ERC2: variants seen among roughly 807,000 people sequenced by gnomAD.
The protein encoded by ERC2 is ELKS/RAB6-interacting/CAST family member 2, also known as ERC protein 2.
ERC2 carries 42 observed loss-of-function variants against 114.8 expected under a neutral mutation model. That is an observed-to-expected ratio of 0.37 (90% CI 0.29 to 0.47). ERC2 has a LOEUF of 0.47. Ranked by LOEUF, ERC2 falls within the 20% of genes least tolerant of loss-of-function variation. The probability of loss-of-function intolerance (pLI) is 0.99; values close to 1 mark genes in which losing one functional copy is unlikely to be tolerated. For missense variants in ERC2, 939 were observed against 1,150.7 expected (o/e 0.82, Z 2.66); for synonymous variants, 454 against 425.5 (o/e 1.07, Z -0.82).
intron 2 of ERC2, among the ~76,000 whole-genome samples, chr3:56,403,958 G>C (rs2060615942): frequency 6.6e-6 from 1 of 152,208 alleles, no homozygotes; most frequent in South Asian, 2.1e-4. Context: ...GTGTGCATTA[G>C]TTTTGTCTAC....
intron 3 of ERC2, among the ~76,000 whole-genome samples, chr3:56,228,105 G>C (rs2050372310): frequency 6.6e-6 from 1 of 152,134 alleles, no homozygotes; most frequent in Admixed American, 6.6e-5. Flanking sequence ...TGATGGGGAG[G>C]GGCATAGTGG....
intron 14 of ERC2, among the ~76,000 whole-genome samples, chr3:55,859,861 G>A (rs1466410463): frequency 6.6e-6 from 1 of 151,956 alleles, no homozygotes; most frequent in Admixed American, 6.6e-5. Context: ...AAACCAGGGG[G>A]ATGACACTGT....
At chr3:55,617,432 C>T (rs1193847295) in intron 17 of ERC2, among the ~76,000 whole-genome samples, 7 of 152,318 alleles carry the variant, frequency 4.6e-5, no homozygotes, top group African/African-American at 1.4e-4. Flanking sequence ...TTTCCTCCAG[C>T]GTTTTGGCAA....
chr3:55,577,959 G>C (rs1559683524), intron 17 of ERC2, among the ~76,000 whole-genome samples: 1 of 152,318 alleles, frequency 6.6e-6, no homozygotes, highest in East Asian at 1.9e-4. Context: ...GGGCACTGGA[G>C]AGGGAGAGAG....
chr3:56,076,186 T>G (rs957585829), intron 7 of ERC2, among the ~76,000 whole-genome samples: 1 of 152,164 alleles, frequency 6.6e-6, no homozygotes, highest in African/African-American at 2.4e-5. Context: ...TTTCTACCTT[T>G]AATAAATAAA....
chr3:56,173,721 C>A (rs1172655403), intron 3 of ERC2: 1 of 535,680 alleles, frequency 1.9e-6, no homozygotes, highest in Non-Finnish European at 3.3e-6. Context: ...CTGGCACATG[C>A]GCTATTTCTG....
intron 7 of ERC2, among the ~76,000 whole-genome samples, chr3:56,079,906 A>C (rs965737329): frequency 5.3e-5 from 8 of 152,150 alleles, no homozygotes; most frequent in African/African-American, 1.9e-4. Context: ...TGATGATAGC[A>C]GGTGACACCA....
intron 3 of ERC2, among the ~76,000 whole-genome samples, chr3:56,214,372 AAAC>A (rs2049305133): frequency 7.7e-6 from 1 of 129,648 alleles, no homozygotes; most frequent in Admixed American, 8.7e-5. Context: ...CTGATTCAAT[AAAC>A]TGGAAGAAAG....
At chr3:56,329,909 T>C (rs951356388) in intron 2 of ERC2, among the ~76,000 whole-genome samples, 6 of 151,370 alleles carry the variant, frequency 4.0e-5, no homozygotes, top group Admixed American at 1.3e-4. Context: ...ATTTCAAATA[T>C]TCATGTGTTT....
chr3:55,652,220 T>A (rs1351468163), intron 17 of ERC2, among the ~76,000 whole-genome samples: 3 of 152,244 alleles, frequency 2.0e-5, no homozygotes, highest in African/African-American at 7.2e-5. Context: ...TGTGTTTATT[T>A]ATCATCTACA....
At chr3:56,462,766 C>T (rs2063372025) in intron 1 of ERC2, among the ~76,000 whole-genome samples, 1 of 152,148 alleles carries the variant, frequency 6.6e-6, no homozygotes, top group Admixed American at 6.5e-5. Context: ...AGGTATGTAT[C>T]AGTGAGGAGT....
At chr3:55,877,083 A>G (rs2062883667) in intron 14 of ERC2, among the ~76,000 whole-genome samples, 1 of 152,218 alleles carries the variant, frequency 6.6e-6, no homozygotes, top group Admixed American at 6.5e-5. Flanking sequence ...AAACACCAGT[A>G]TAAAAAATGA....
intron 14 of ERC2, among the ~76,000 whole-genome samples, chr3:55,798,555 G>A (rs2070706800): frequency 2.7e-5 from 4 of 150,834 alleles, no homozygotes; most frequent in Admixed American, 6.6e-5. Context: ...CCAAGACCAT[G>A]CCACTGCACT....
chr3:56,198,825 C>T (rs2048253534), intron 3 of ERC2, among the ~76,000 whole-genome samples: 1 of 152,004 alleles, frequency 6.6e-6, no homozygotes, highest in Non-Finnish European at 1.5e-5. Flanking sequence ...AGAGGATCAC[C>T]CTGGGACTGG....
intron 3 of ERC2, among the ~76,000 whole-genome samples, chr3:56,237,661 C>A (rs950601693): frequency 2.6e-5 from 4 of 151,514 alleles, no homozygotes; most frequent in African/African-American, 9.7e-5. Context: ...ACATTGCTTT[C>A]TTTTTTTTTC....
chr3:56,270,358 A>G (rs2053581170), intron 3 of ERC2, among the ~76,000 whole-genome samples: 1 of 152,182 alleles, frequency 6.6e-6, no homozygotes, highest in Non-Finnish European at 1.5e-5. Context: ...AAATAAGCAC[A>G]TTTATTGCCA....
At chr3:56,020,572 G>C (rs2073637571) in intron 7 of ERC2, among the ~76,000 whole-genome samples, 1 of 152,180 alleles carries the variant, frequency 6.6e-6, no homozygotes, top group African/African-American at 2.4e-5. Flanking sequence ...AATATGGATG[G>C]TTATATGTCA....
intron 12 of ERC2, among the ~76,000 whole-genome samples, chr3:55,971,294 C>A (rs1411291148): frequency 6.6e-6 from 1 of 151,790 alleles, no homozygotes; most frequent in African/African-American, 2.4e-5. Context: ...TGTGAATATA[C>A]CAACAATCAC....
rs535850157 is a variant in ERC2, at chr3:56,233,609, G to A, written c.1075-60089C>T. Among the ~76,000 whole-genome samples the A allele has an allele frequency of 4.7e-5, 7 of 148,210 alleles. No individual in the cohort carries two copies. The South Asian group carries it at 1.1e-3, about 23-fold the overall frequency. On this transcript the variant is annotated intron_variant, in intron 3 of 17. Transcript: ENST00000288221. Reference sequence around the variant, plus strand: ...CAGTAAGCCAAGATCACAAGACTCCGTCTCAACAACCAAAAAAAAAAAAAA... The same window carrying A: ...CAGTAAGCCAAGATCACAAGACTCCATCTCAACAACCAAAAAAAAAAAAAA...
Sources: gnomAD v4.1 joint callset for allele counts (sites outside exome capture counted in the v4.1 genomes callset) on GRCh38, gnomAD v4.1.1 for gene constraint, MANE v1.5 for transcripts, NCBI Gene and HGNC (gene_info 2026-07-23, HGNC 2026-07-21) for gene names.